IFT74: variants seen among roughly 807,000 people sequenced by gnomAD.
IFT74 encodes intraflagellar transport 74.
Under a neutral mutation model 96.7 loss-of-function variants are expected in IFT74, and 92 were observed. The observed-to-expected ratio is 0.95, with a 90% CI of 0.80 to 1.13. The LOEUF is 1.13. Ranked by LOEUF, IFT74 falls within the 50% of genes most tolerant of loss-of-function variation. IFT74 has a pLI of 0.00. For missense variants in IFT74, 811 were observed against 698.2 expected (o/e 1.16, Z -1.82); for synonymous variants, 223 against 213.2 (o/e 1.05, Z -0.40).
chr9:27,011,885 T>G, intron 9 of IFT74, 21 bp from the exon 10 acceptor site: 5 of 1,504,390 alleles, frequency 3.3e-6, no homozygotes, highest in Non-Finnish European at 4.5e-6. Flanking sequence ...GATTTATGTT[T>G]GCTTTTTTTT....
intron 3 of IFT74, among the ~76,000 whole-genome samples, chr9:26,978,476 C>T (rs1827222322): frequency 6.6e-6 from 1 of 151,934 alleles, no homozygotes; most frequent in African/African-American, 2.4e-5. Context: ...TTCTTTGATT[C>T]ACAAAATTAT....
intron 6 of IFT74, among the ~76,000 whole-genome samples, chr9:26,985,322 C>A (rs1400708282): frequency 6.6e-6 from 1 of 151,960 alleles, no homozygotes; most frequent in Non-Finnish European, 1.5e-5. Flanking sequence ...GGGAAAGGAT[C>A]AGAAAAAATA....
chr9:27,016,056 G>A (rs893771696), intron 10 of IFT74, among the ~76,000 whole-genome samples: 1 of 152,044 alleles, frequency 6.6e-6, no homozygotes, highest in African/African-American at 2.4e-5. Flanking sequence ...ATTTCCTAGT[G>A]CTGCTATAAT....
intron 2 of IFT74, among the ~76,000 whole-genome samples, chr9:26,977,787 C>T (rs1827191267): frequency 6.6e-6 from 1 of 152,228 alleles, no homozygotes; most frequent in Non-Finnish European, 1.5e-5. Flanking sequence ...CCACACCCAA[C>T]TTAAACTGCC....
chr9:27,008,205 C>T (rs1022599639), intron 8 of IFT74, among the ~76,000 whole-genome samples: 2 of 152,122 alleles, frequency 1.3e-5, no homozygotes, highest in South Asian at 2.1e-4. Context: ...AAAGCCATAA[C>T]TAAAAAATCA....
At chr9:26,955,849 A>AAAAC (rs1184905473), upstream of IFT74, 1 of 151,990 alleles carries the variant, frequency 6.6e-6, no homozygotes, top group African/African-American at 2.4e-5. Flanking sequence ...AAAAAAAAAA[A>AAAAC]AAAAAGGACA....
At chr9:27,016,558 G>A (rs1054534218) in intron 10 of IFT74, among the ~76,000 whole-genome samples, 24 of 152,180 alleles carry the variant, frequency 1.6e-4, no homozygotes, top group African/African-American at 5.8e-4. Context: ...CACTTCTATG[G>A]ACTTTGAATC....
At chr9:26,985,271 A>C (rs1350774334) in intron 6 of IFT74, among the ~76,000 whole-genome samples, 2 of 152,164 alleles carry the variant, frequency 1.3e-5, no homozygotes, top group African/African-American at 4.8e-5. Context: ...AGATGGGAAC[A>C]ACAGATAATG....
rs917529000 is a variant in IFT74, at chr9:27,062,818, G to C, written c.*82G>C. ...AAGTTGACTACCAAAAAAAAAAAAA[G>C]CTTACTTTTGGAGTTTACCTAAAAT... is the stretch of plus-strand genomic sequence containing the variant. On this transcript the variant is annotated 3_prime_UTR_variant, in exon 20 of 20. Transcript: ENST00000380062. 2.5e-5 allele frequency: 18 copies of C among 724,460 alleles called. No individual in the cohort carries two copies. The Admixed American group carries it at 3.2e-4, about 13-fold the overall frequency. The allele number at this position is 724,460 out of a possible 1,614,324, so 44.9% of individuals were successfully genotyped here. A position where few individuals can be genotyped will look rare whatever the true frequency, so the allele number is the denominator to read the frequency against.
At position 27,055,448 on chromosome 9, in the gene IFT74, A is replaced by AT. The variant is rs1035898645; in HGVS notation, c.1334-152dup. Reference sequence around the variant, plus strand: ...GAAATTGGTTATTGAGGGGATGAGTATTTTTTTTTCTTAGTTTATATTATC... The same window carrying AT: ...GAAATTGGTTATTGAGGGGATGAGTATTTTTTTTTTCTTAGTTTATATTATC... On this transcript the variant is annotated intron_variant, in intron 16 of 19. Transcript: ENST00000380062. Among the ~76,000 whole-genome samples the AT allele has an allele frequency of 1.5e-4, 22 of 151,398 alleles. No individual in the cohort carries two copies. In the South Asian group the frequency reaches 1.5e-3, roughly 10 times the overall value.
rs919512711 is a variant in IFT74 at position 27,063,019 on chromosome 9, A to G, written c.*283A>G. On this transcript the variant is annotated 3_prime_UTR_variant, in exon 20 of 20. Transcript: ENST00000380062. ...GACCGTTGAAATTTATTTAGCTGGT[A>G]TAATCCATCTATGGCAACAAATGAG... The G allele has an allele frequency of 9.8e-6, 3 of 307,254 alleles. No individual in the cohort carries two copies. The highest frequency in any genetic ancestry group is 6.7e-5 in the African/African-American group (3 of 44,756). 19.0% of individuals were successfully genotyped at this position (307,254 alleles called of 1,614,324 possible).
At chr9:26,985,043 A>G (rs1478712354) in intron 6 of IFT74, among the ~76,000 whole-genome samples, 1 of 152,232 alleles carries the variant, frequency 6.6e-6, no homozygotes, top group Non-Finnish European at 1.5e-5. Context: ...TAGCAAAGAC[A>G]TGGAATCAAC....
rs1175209038 is a variant in IFT74, at chr9:27,065,442, T to C, written c.*2706T>C. Among the ~76,000 whole-genome samples the C allele has an allele frequency of 6.6e-6, 1 of 152,202 alleles. No homozygotes were observed. Among genetic ancestry groups the C allele is most frequent in the African/African-American group, 2.4e-5 (1 of 41,462 alleles). ...AGTCACATGGAAAGAAGCTGCAGAC[T>C]GAACAAACATGCTGAGCAGTTTTAC... On this transcript the variant is annotated 3_prime_UTR_variant, in exon 20 of 20. Transcript: ENST00000380062.
At chr9:27,007,743 T>C (rs1312762357) in intron 8 of IFT74, among the ~76,000 whole-genome samples, 1 of 152,228 alleles carries the variant, frequency 6.6e-6, no homozygotes, top group Non-Finnish European at 1.5e-5. Context: ...TTGTGAAAAC[T>C]ATAGAAGTTG....
intron 10 of IFT74, among the ~76,000 whole-genome samples, 182 bp downstream of exon 10, chr9:27,012,150 G>C (rs1829111163): frequency 6.6e-6 from 1 of 152,138 alleles, no homozygotes; most frequent in African/African-American, 2.4e-5. Context: ...ATTAGATTCA[G>C]TTATTGAGTA....
chr9:27,003,368 C>G (rs1828604857), intron 8 of IFT74, among the ~76,000 whole-genome samples: 1 of 151,902 alleles, frequency 6.6e-6, no homozygotes, highest in Non-Finnish European at 1.5e-5. Context: ...ACTACAATTA[C>G]AAAAATTAGC....
At chr9:27,057,868 C>T (rs1247540509) in intron 18 of IFT74, among the ~76,000 whole-genome samples, 2 of 151,182 alleles carry the variant, frequency 1.3e-5, no homozygotes, top group Non-Finnish European at 3.0e-5. Context: ...AAAAAAAAAA[C>T]AAAACTCTCT....
intron 4 of IFT74, among the ~76,000 whole-genome samples, chr9:26,982,628 T>A (rs986769045): frequency 6.6e-6 from 1 of 152,042 alleles, no homozygotes; most frequent in Non-Finnish European, 1.5e-5. Context: ...GCTAATTTTG[T>A]ATTTTTAGTT....
chr9:26,988,441 C>G (rs1421137411), intron 6 of IFT74, among the ~76,000 whole-genome samples: 1 of 152,194 alleles, frequency 6.6e-6, no homozygotes, highest in East Asian at 1.9e-4. Context: ...TATTACTGCT[C>G]ATTTATCCAT....
Sources: allele counts gnomAD v4.1 joint callset (sites outside exome capture counted in the v4.1 genomes callset), GRCh38; gene constraint gnomAD v4.1.1; transcripts MANE v1.5; gene names NCBI Gene and HGNC (gene_info 2026-07-23, HGNC 2026-07-21).